The following ALPL variants were observed in gnomAD, a reference collection of about 807,000 sequenced individuals.
ALPL encodes the protein alkaline phosphatase, biomineralization associated, also known as alkaline phosphatase, tissue-nonspecific isozyme.
ALPL carries 42 observed loss-of-function variants against 51.3 expected under a neutral mutation model. That is an observed-to-expected ratio of 0.82 (90% CI 0.64 to 1.06). ALPL has a LOEUF of 1.06. Among genes scored for constraint, ALPL ranks in the 50% least tolerant of loss-of-function variants. The probability of loss-of-function intolerance (pLI) is 0.00; values close to 1 mark genes in which losing one functional copy is unlikely to be tolerated. For missense variants in ALPL, 589 were observed against 709.4 expected, an observed-to-expected ratio of 0.83 and a Z score of 1.93; for synonymous variants, 279 against 296.4, an observed-to-expected ratio of 0.94 and a Z score of 0.60.
chr1:21,561,494 A>C (rs898599630), intron 4 of ALPL, among the ~76,000 whole-genome samples: 1 of 152,050 alleles, frequency 6.6e-6, no homozygotes, highest in Non-Finnish European at 1.5e-5. Flanking sequence ...GGCTCAAGCC[A>C]TCCTCCCACG....
intron 1 of ALPL, among the ~76,000 whole-genome samples, chr1:21,526,866 C>G (rs999812702): frequency 6.6e-5 from 10 of 152,102 alleles, no homozygotes; most frequent in Admixed American, 6.6e-4. Context: ...ACAAGATTAG[C>G]ATTTTCTCAT....
chr1:21,515,835 G>GTTGTT (rs77866939), intron 1 of ALPL, among the ~76,000 whole-genome samples: 6 of 151,014 alleles, frequency 4.0e-5, no homozygotes, highest in Admixed American at 6.6e-5. Flanking sequence ...CAGGCTTGTT[G>GTTGTT]TTTTTTTGTT....
rs3767152 is a variant in ALPL at position 21,562,888 on chromosome 1, G to A, written c.298-222G>A. Reference sequence around the variant, plus strand: ...CTTCTCTGTACTTTGGAGAGCTAAGGTCCTGCCCCAGTGCTGCCAGGGTGC... The same window carrying A: ...CTTCTCTGTACTTTGGAGAGCTAAGATCCTGCCCCAGTGCTGCCAGGGTGC... On this transcript the variant is annotated intron_variant, in intron 4 of 11. Transcript: ENST00000374840. Among the ~76,000 whole-genome samples, 10,875 of 152,220 alleles carry A rather than the reference G, an allele frequency of 0.071. 422 individuals carry two copies. Among genetic ancestry groups the A allele is most frequent in the Middle Eastern group, 0.15 (45 of 294 alleles).
chr1:21,535,613 T>C (rs1327739355), intron 1 of ALPL, among the ~76,000 whole-genome samples: 1 of 151,004 alleles, frequency 6.6e-6, no homozygotes, highest in Non-Finnish European at 1.5e-5. Context: ...AGACCCTGTC[T>C]CAAAAAAAAA....
intron 1 of ALPL, among the ~76,000 whole-genome samples, chr1:21,542,761 T>C (rs1055194887): frequency 6.6e-6 from 1 of 152,012 alleles, no homozygotes; most frequent in Non-Finnish European, 1.5e-5. Flanking sequence ...TCGCTTGAAC[T>C]CTGAAGGCGG....
chr1:21,517,875 C>T (rs1014000498), intron 1 of ALPL, among the ~76,000 whole-genome samples: 1 of 152,074 alleles, frequency 6.6e-6, no homozygotes. Context: ...GCTTTCCTTC[C>T]CAGATTCCTT....
intron 1 of ALPL, among the ~76,000 whole-genome samples, chr1:21,517,022 C>G (rs1440899257): frequency 6.6e-6 from 1 of 152,194 alleles, no homozygotes; most frequent in Non-Finnish European, 1.5e-5. Context: ...TATAGTTGGG[C>G]AAATCATCTA....
intron 1 of ALPL, among the ~76,000 whole-genome samples, chr1:21,519,658 G>A (rs1047673544): frequency 1.3e-5 from 2 of 152,192 alleles, no homozygotes; most frequent in Non-Finnish European, 2.9e-5. Flanking sequence ...CTAGCTGGGC[G>A]TGGTGGTGTA....
intron 2 of ALPL, among the ~76,000 whole-genome samples, chr1:21,557,881 C>A (rs985829102): frequency 2.6e-5 from 4 of 152,212 alleles, no homozygotes; most frequent in African/African-American, 9.6e-5. Context: ...CATCTGTGGG[C>A]TTCCCTGTGC....
At chr1:21,546,848 G>C (rs1167307811) in intron 1 of ALPL, among the ~76,000 whole-genome samples, 1 of 152,220 alleles carries the variant, frequency 6.6e-6, no homozygotes, top group Non-Finnish European at 1.5e-5. Context: ...AGAGCAGTTC[G>C]TCTTCTTCTG....
chr1:21,510,183 G>A (rs1643654582), intron 1 of ALPL, among the ~76,000 whole-genome samples: 1 of 152,198 alleles, frequency 6.6e-6, no homozygotes, highest in African/African-American at 2.4e-5. Flanking sequence ...TAGGCTTTGC[G>A]AGGTGGGCCT....
chr1:21,547,250 A>C, intron 1 of ALPL, among the ~76,000 whole-genome samples: 2 of 150,528 alleles, frequency 1.3e-5, no homozygotes, highest in African/African-American at 4.9e-5. Flanking sequence ...TCCCCCTCCC[A>C]CCCCAGCACC....
At chr1:21,537,007 C>CTGCCTT (rs1273109082) in intron 1 of ALPL, among the ~76,000 whole-genome samples, 5 of 150,176 alleles carry the variant, frequency 3.3e-5, no homozygotes, top group African/African-American at 1.2e-4. Flanking sequence ...AGCGATTCTC[C>CTGCCTT]TGCCTTAGCC....
chr1:21,517,172 C>A (rs989258821), intron 1 of ALPL, among the ~76,000 whole-genome samples: 1 of 152,034 alleles, frequency 6.6e-6, no homozygotes, highest in Non-Finnish European at 1.5e-5. Flanking sequence ...TTTGCATCAT[C>A]GTAAAGAAAA....
At chr1:21,543,219 G>C (rs1025402097) in intron 1 of ALPL, among the ~76,000 whole-genome samples, 1 of 152,096 alleles carries the variant, frequency 6.6e-6, no homozygotes, top group South Asian at 2.1e-4. Context: ...AGGAGAAGTA[G>C]GAATTTATTT....
intron 1 of ALPL, among the ~76,000 whole-genome samples, chr1:21,552,322 A>G (rs1644342049): frequency 6.6e-6 from 1 of 150,786 alleles, no homozygotes; most frequent in African/African-American, 2.4e-5. Flanking sequence ...TCTACTAAAA[A>G]TACAAAATTG....
chr1:21,528,733 T>C (rs954871853), intron 1 of ALPL, among the ~76,000 whole-genome samples: 1 of 152,126 alleles, frequency 6.6e-6, no homozygotes, highest in African/African-American at 2.4e-5. Flanking sequence ...TTTTTTCTTT[T>C]ATGGAATTAG....
chr1:21,563,033 T>C (rs939101916), intron 4 of ALPL, 77 bp from the exon 5 acceptor site: 1 of 1,568,924 alleles, frequency 6.4e-7, no homozygotes, highest in Non-Finnish European at 8.8e-7. Flanking sequence ...CCAGTCCCCA[T>C]GGTGTGAGTG....
intron 1 of ALPL, among the ~76,000 whole-genome samples, chr1:21,535,355 C>T (rs913716082): frequency 6.6e-6 from 1 of 152,160 alleles, no homozygotes; most frequent in Admixed American, 6.5e-5. Flanking sequence ...GGGCCTCACC[C>T]GGGAGTCCCA....
Sources: allele counts gnomAD v4.1 joint callset (sites outside exome capture counted in the v4.1 genomes callset), GRCh38; gene constraint gnomAD v4.1.1; transcripts MANE v1.5; gene names NCBI Gene and HGNC (gene_info 2026-07-23, HGNC 2026-07-21).